Variants in PLXNB3 observed in about 807,000 individuals in gnomAD.
PLXNB3 encodes plexin B3, also known as plexin-B3.
A neutral mutation model predicts 125.7 loss-of-function variants in PLXNB3; 80 were observed. The observed-to-expected ratio is 0.64, with a 90% CI of 0.53 to 0.77. The LOEUF is 0.77. Among genes scored for constraint, PLXNB3 ranks in the 30% least tolerant of loss-of-function variants. PLXNB3 has a pLI of 0.00. For synonymous variants in PLXNB3, 954 were observed against 783.3 expected, an observed-to-expected ratio of 1.22 and a Z score of -3.64; for missense variants, 1,836 against 1,729.3, an observed-to-expected ratio of 1.06 and a Z score of -1.09.
rs912988902 is a variant in PLXNB3 at position 153,773,359 on chromosome X, C to G, written c.3036C>G (p.Thr1012=). The change falls in exon 18 of 36, where the codon ACC becomes ACG. Residue 1012 remains threonine, a synonymous_variant. Transcript: ENST00000361971. ...RTLLASPFRY[T]ANPQLVAAEP... ...TGCTCGCCAGCCCCTTCCGCTACAC[C>G]GCCAACCCCCAGCTTGTAGCGGCGG... 8.3e-7 allele frequency: 1 copy of G among 1,208,088 alleles called. No individual in the cohort carries two copies. Among genetic ancestry groups the G allele is most frequent in the African/African-American group, 1.7e-5 (1 of 57,913 alleles).
rs372413645 is a variant in PLXNB3, at chrX:153,772,953, G to A, written c.2843G>A (p.Arg948Gln). 93 of 1,195,003 alleles carry A rather than the reference G, an allele frequency of 7.8e-5. No individual in the cohort carries two copies. The highest frequency in any genetic ancestry group is 2.3e-4 in the Admixed American group (10 of 43,656). The change falls in exon 17 of 36, where the codon CGA becomes CAA. Residue 948 changes from arginine (R) to glutamine (Q), a missense_variant. Coordinates refer to ENST00000361971, the MANE Select transcript of PLXNB3 (RefSeq NM_005393.3). ...GCAGGGGGCACCCAGCTCACCATCC[G>A]AGGTCAGCACCTCCAGACAGGTGGC... is the stretch of plus-strand genomic sequence containing the variant. ...PQAGGTQLTI[R>Q]GQHLQTGGNT... is the part of the protein sequence containing the mutation.
At chrX:153,765,425 G>C in intron 1 of PLXNB3, 46 bp from the exon 2 acceptor site, 1 of 1,025,318 alleles carries the variant, frequency 9.8e-7, no homozygotes, top group Non-Finnish European at 1.3e-6. Flanking sequence ...CCTTCCCCAG[G>C]CCAGCTCGAA....
Position 153,768,920 on chromosome X carries a change from C to G in PLXNB3, c.1267-28C>G, listed in dbSNP as rs782497193. ...AACAGGCAACCTTTGGCCATCTGGC[C>G]CAGCCTCGTCCTTGTCCCCCCACTC... On this transcript the variant is annotated intron_variant, in intron 4 of 35. Transcript: ENST00000361971. 1.8e-4 allele frequency: 217 copies of G among 1,200,773 alleles called. 2 individuals are homozygous for G. In the South Asian group the frequency reaches 3.8e-3, roughly 21 times the overall value.
chrX:153,766,838 G>A (rs1557059356), intron 2 of PLXNB3, 35 bp from the exon 3 acceptor site: 6 of 1,147,106 alleles, frequency 5.2e-6, no homozygotes, highest in Middle Eastern at 2.5e-4. Context: ...TATCTGCCTT[G>A]CGCTCCCACT....
At position 153,774,024 on chromosome X, in the gene PLXNB3, C is replaced by A; in HGVS notation, c.3445C>A (p.Arg1149Ser). 8.3e-7 allele frequency: 1 copy of A among 1,201,494 alleles called. No homozygotes were observed. The highest frequency in any genetic ancestry group is 1.1e-6 in the Non-Finnish European group (1 of 889,924). Residue 1149 changes from arginine to serine, a missense_variant, in exon 20 of 36, where the codon CGC (arginine) becomes AGC (serine). Arg to Ser is a moderately radical substitution (Grantham distance 110). Transcript: ENST00000361971. ...GGGCTTCCTGTACCAGCCCAACCCC[C>A]GCCTGGCACCCCTCAGCCGCGAGGG... ...GQGFLYQPNP[R>S]LAPLSREGPA...
chrX:153,773,540 A>G lies in PLXNB3; in HGVS notation c.3106A>G (p.Arg1036Gly). ...CAGGGGTGGGCGACTGATCCGTGTC[A>G]GGGGCACCGGCCTAGACGTGGTGCA... The part of the protein sequence containing the change: ...FRGGGRLIRV[R>G]GTGLDVVQRP... The change falls in exon 19 of 36, where the codon AGG becomes GGG. Residue 1036 changes from arginine to glycine, a missense_variant. Transcript: ENST00000361971. 1.7e-6 allele frequency: 2 copies of G among 1,201,130 alleles called. No homozygotes were observed. The highest frequency in any genetic ancestry group is 2.2e-6 in the Non-Finnish European group (2 of 889,931).
chrX:153,775,797 C>T, intron 26 of PLXNB3, 90 bp from the exon 27 acceptor site: 1 of 1,099,685 alleles, frequency 9.1e-7, no homozygotes, highest in Non-Finnish European at 1.2e-6. Context: ...ACTTTGAACC[C>T]TCTCCGGGGC....
intron 4 of PLXNB3, 77 bp downstream of exon 4, chrX:153,768,505 C>G: frequency 1.1e-6 from 1 of 937,988 alleles, no homozygotes. Context: ...GCAACTTCCA[C>G]CTCTTAGCCC....
rs1557059383 is a variant in PLXNB3, at chrX:153,766,858, T to C, written c.46-15T>C. 1 of 1,182,220 alleles carries C rather than the reference T, an allele frequency of 8.5e-7. No individual in the cohort carries two copies. Among genetic ancestry groups the C allele is most frequent in the Non-Finnish European group, 1.1e-6 (1 of 882,461 alleles). Reference sequence around the variant, plus strand: ...GCCTTGCGCTCCCACTGCCCTGACCTGTGCCCTCTCACAGGCCCCCGTGAT... The same window carrying C: ...GCCTTGCGCTCCCACTGCCCTGACCCGTGCCCTCTCACAGGCCCCCGTGAT... On this transcript the variant is annotated splice_polypyrimidine_tract_variant and intron_variant, in intron 2 of 35. Transcript: ENST00000361971.
At chrX:153,766,030 C>T in intron 2 of PLXNB3, 3 of 1,025,718 alleles carry the variant, frequency 2.9e-6, no homozygotes, top group Non-Finnish European at 3.7e-6. Context: ...TCTCCTGGGA[C>T]ACTCCTACAC....
chrX:153,766,870 C>T lies in PLXNB3; in HGVS notation c.46-3C>T. On this transcript the variant is annotated splice_polypyrimidine_tract_variant and splice_region_variant and intron_variant, in intron 2 of 35. Transcript: ENST00000361971. ...CACTGCCCTGACCTGTGCCCTCTCA[C>T]AGGCCCCCGTGATGGCTCGCTGGCC... The T allele has an allele frequency of 8.4e-7, 1 of 1,191,563 alleles. No homozygotes were observed. The highest frequency in any genetic ancestry group is 1.1e-6 in the Non-Finnish European group (1 of 886,766).
At position 153,768,279 on chromosome X, in the gene PLXNB3, G is replaced by A. The variant is rs2091882482; in HGVS notation, c.1117G>A (p.Glu373Lys). The change falls in exon 4 of 36, where the codon GAG (glutamate) becomes AAG (lysine). Residue 373 changes from glutamate (E) to lysine (K), a missense_variant. Glu to Lys is a moderately conservative substitution (Grantham distance 56). Coordinates refer to ENST00000361971, the MANE Select transcript of PLXNB3 (RefSeq NM_005393.3). ...CCCCGAGTCGTACCCCTGTGGCGACGAGCACACCCCCAGCCCCATTGCTGG... is the reference window on the plus strand; with the variant it reads ...CCCCGAGTCGTACCCCTGTGGCGACAAGCACACCCCCAGCCCCATTGCTGG... ...DSPESYPCGD[E>K]HTPSPIAGRQ... 2 of 1,197,516 alleles carry A rather than the reference G, an allele frequency of 1.7e-6. No individual in the cohort carries two copies. Among genetic ancestry groups the A allele is most frequent in the Non-Finnish European group, 2.3e-6 (2 of 885,189 alleles).
chrX:153,774,179 G>C lies in PLXNB3; in HGVS notation c.3520-7G>C. The C allele has an allele frequency of 8.3e-7, 1 of 1,203,979 alleles. No individual in the cohort carries two copies. Among genetic ancestry groups the C allele is most frequent in the Non-Finnish European group, 1.1e-6 (1 of 894,556 alleles). ...GCCAGCGGCTTAGGCTCCCATGTGT[G>C]TCCCAGGGCGAGGGCCTCAACCTGG... On this transcript the variant is annotated splice_region_variant and splice_polypyrimidine_tract_variant and intron_variant, in intron 20 of 35. Coordinates refer to ENST00000361971, the MANE Select transcript of PLXNB3 (RefSeq NM_005393.3).
Position 153,770,546 on chromosome X carries a change from C to T in PLXNB3, c.1914C>T (p.Gly638=), listed in dbSNP as rs138353511. The part of the protein sequence containing the change: ...EAAAPCRACV[G]SIWRCHWCPQ... Reference sequence around the variant, plus strand: ...CCTCTAGGTGTCGCGCTTGCGTGGGCAGCATCTGGCGGTGTCACTGGTGCC... The same window carrying T: ...CCTCTAGGTGTCGCGCTTGCGTGGGTAGCATCTGGCGGTGTCACTGGTGCC... Residue 638 remains glycine (G), a synonymous_variant, in exon 10 of 36, where the codon GGC becomes GGT. Transcript: ENST00000361971. The T allele has an allele frequency of 1.7e-6, 2 of 1,211,063 alleles. No individual in the cohort carries two copies. The highest frequency in any genetic ancestry group is 5.9e-5 in the East Asian group (2 of 33,848).
Position 153,770,785 on chromosome X carries a change from G to A in PLXNB3, c.2038G>A (p.Ala680Thr), listed in dbSNP as rs782215577. Residue 680 changes from alanine (A) to threonine (T), a missense_variant, in exon 11 of 36, where the codon GCT becomes ACT. Ala to Thr is a moderately conservative substitution (Grantham distance 58). Coordinates refer to ENST00000361971, the MANE Select transcript of PLXNB3 (RefSeq NM_005393.3). ...GGACATCCAGGTGCGTGGCCCAGGG[G>A]CTTGCCCACAGGTCGAAGGCCTGGC... Reference protein sequence around the residue: ...EVDIQVRGPGACPQVEGLAGP... With the variant: ...EVDIQVRGPGTCPQVEGLAGP... 9.1e-6 allele frequency: 11 copies of A among 1,207,627 alleles called. No individual in the cohort carries two copies. The highest frequency in any genetic ancestry group is 9.0e-6 in the Non-Finnish European group (8 of 892,476).
intron 29 of PLXNB3, 92 bp downstream of exon 29, chrX:153,777,072 C>T (rs1486148151): frequency 2.0e-6 from 2 of 980,104 alleles, no homozygotes; most frequent in South Asian, 4.5e-5. Context: ...TCATCCCCCA[C>T]CCCACCGAGA....
Position 153,778,680 on chromosome X carries a change from G to A in PLXNB3, c.5625+6G>A. Reference sequence around the variant, plus strand: ...TCCACAGGTACTATGATCAGGTGAGGCCCAGGGCACTCCGGAGGGGAGGCA... The same window carrying A: ...TCCACAGGTACTATGATCAGGTGAGACCCAGGGCACTCCGGAGGGGAGGCA... On this transcript the variant is annotated splice_donor_region_variant and intron_variant, in intron 35 of 35. Transcript: ENST00000361971. 1 of 1,194,320 alleles carries A rather than the reference G, an allele frequency of 8.4e-7. No individual in the cohort carries two copies. The highest frequency in any genetic ancestry group is 2.2e-5 in the Admixed American group (1 of 44,629).
chrX:153,769,793 C>A lies in PLXNB3; in HGVS notation c.1497-14C>A, dbSNP rs1427687348. 1.7e-6 allele frequency: 2 copies of A among 1,200,099 alleles called. No homozygotes were observed. The highest frequency in any genetic ancestry group is 2.2e-5 in the Admixed American group (1 of 44,928). The stretch of plus-strand genomic sequence containing the variant: ...AGGACCCCCACGGTGACCTGATGGA[C>A]CCCTGCCTGGCAGGTGTACCCGGAA... On this transcript the variant is annotated splice_polypyrimidine_tract_variant and intron_variant, in intron 6 of 35. Coordinates refer to ENST00000361971, the MANE Select transcript of PLXNB3 (RefSeq NM_005393.3).
rs782439003 is a variant in PLXNB3, at chrX:153,776,474, G to A, written c.4833+15G>A. 7.1e-5 allele frequency: 62 copies of A among 874,194 alleles called. No homozygotes were observed. The highest frequency in any genetic ancestry group is 9.1e-5 in the Non-Finnish European group (57 of 623,501). The allele number at this position is 874,194 out of a possible 1,213,427, so 72.0% of individuals were successfully genotyped here. On this transcript the variant is annotated intron_variant, in intron 28 of 35. Transcript: ENST00000361971. The stretch of plus-strand genomic sequence containing the variant: ...AACACTACAAGGTGTGAGCAGGGAC[G>A]GGGCGAGGCAGGGCGGGGCTGGGGC...
Sources: allele counts gnomAD v4.1 joint callset, GRCh38; gene constraint gnomAD v4.1.1; transcripts MANE v1.5; gene names NCBI Gene and HGNC (gene_info 2026-07-23, HGNC 2026-07-21).